The following TENM3 variants were observed in gnomAD, a reference collection of about 807,000 sequenced individuals.
TENM3 encodes teneurin transmembrane protein 3, also known as teneurin-3.
TENM3 carries 63 observed loss-of-function variants against 255.1 expected under a neutral mutation model. The observed-to-expected ratio is 0.25, with a 90% CI of 0.20 to 0.30. TENM3 has a LOEUF of 0.30. TENM3 is among the 10% of genes least tolerant of loss of function. The pLI is 1.00. For missense variants in TENM3, 2,929 were observed against 3,461.1 expected, an observed-to-expected ratio of 0.85 and a Z score of 3.86; for synonymous variants, 1,306 against 1,322.3, an observed-to-expected ratio of 0.99 and a Z score of 0.27.
intron 1 of TENM3, among the ~76,000 whole-genome samples, chr4:182,160,057 CAGCG>C (rs1561149946): frequency 6.7e-6 from 1 of 150,318 alleles, no homozygotes; most frequent in Non-Finnish European, 1.5e-5. Context: ...GGCTGGAGTG[CAGCG>C]GTGCGATCTC....
the TENM3 span, among the ~76,000 whole-genome samples, chr4:182,100,786 C>CAT: frequency 0.011 from 358 of 33,040 alleles, 21 homozygotes; most frequent in Non-Finnish European, 0.012. Context: ...TATATATACA[C>CAT]ATATATATAC....
chr4:181,735,619 T>C, the TENM3 span, among the ~76,000 whole-genome samples: 1 of 152,172 alleles, frequency 6.6e-6, no homozygotes, highest in Non-Finnish European at 1.5e-5. Context: ...GATGAAAGAC[T>C]GACAACCCAC....
At chr4:182,193,562 G>A (rs912744965) in intron 1 of TENM3, among the ~76,000 whole-genome samples, 5 of 152,174 alleles carry the variant, frequency 3.3e-5, no homozygotes, top group Non-Finnish European at 5.9e-5. Context: ...GCGTCCTGGC[G>A]TACATTCCAT....
chr4:182,536,109 T>A (rs948206379), intron 3 of TENM3, among the ~76,000 whole-genome samples: 4 of 152,220 alleles, frequency 2.6e-5, no homozygotes, highest in South Asian at 2.1e-4. Flanking sequence ...TACTTTAAAT[T>A]TGCACAGATT....
the TENM3 span, among the ~76,000 whole-genome samples, chr4:181,571,383 C>T: frequency 6.6e-6 from 1 of 152,116 alleles, no homozygotes; most frequent in Non-Finnish European, 1.5e-5. Context: ...GTTGCCCAGG[C>T]TGGAGTGTAG....
At chr4:182,143,494 T>TGTC (rs1749628370), upstream of TENM3, 1 of 166,948 alleles carries the variant, frequency 6.0e-6, no homozygotes, top group Non-Finnish European at 1.5e-5. This position sits in a 1 kb window ranked among gnomAD's most constrained non-coding sequence, Gnocchi z 4.3. Flanking sequence ...TTCCCGGCAG[T>TGTC]GTCTTGCACT....
chr4:181,842,677 C>G, the TENM3 span, among the ~76,000 whole-genome samples: 1 of 152,114 alleles, frequency 6.6e-6, no homozygotes, highest in Admixed American at 6.5e-5. Context: ...TATGGTAGAC[C>G]AAGTCCAGAC....
chr4:181,780,277 T>C, the TENM3 span, among the ~76,000 whole-genome samples: 1 of 152,178 alleles, frequency 6.6e-6, no homozygotes, highest in Non-Finnish European at 1.5e-5. Flanking sequence ...TTCCTATTTC[T>C]CCACATCCTC....
At chr4:181,783,758 G>A in the TENM3 span, among the ~76,000 whole-genome samples, 1 of 152,172 alleles carries the variant, frequency 6.6e-6, no homozygotes, top group African/African-American at 2.4e-5. Context: ...CAGTGGCACA[G>A]TCATAGCTCA....
At chr4:181,660,261 C>A in the TENM3 span, among the ~76,000 whole-genome samples, 1 of 152,076 alleles carries the variant, frequency 6.6e-6, no homozygotes, top group Non-Finnish European at 1.5e-5. Flanking sequence ...CAGTCAGTCC[C>A]TTTGCCCCCT....
chr4:182,555,567 G>A (rs943732041), intron 3 of TENM3, among the ~76,000 whole-genome samples: 2 of 152,156 alleles, frequency 1.3e-5, no homozygotes, highest in African/African-American at 4.8e-5. Context: ...CCTGGTTCAA[G>A]TAGGTGCTCA....
At chr4:181,721,470 G>T in the TENM3 span, among the ~76,000 whole-genome samples, 1 of 139,946 alleles carries the variant, frequency 7.1e-6, no homozygotes, top group African/African-American at 2.6e-5. Flanking sequence ...TGTGGTGGCG[G>T]GCGCCTGTAG....
At chr4:181,711,253 G>C in the TENM3 span, among the ~76,000 whole-genome samples, 1 of 152,266 alleles carries the variant, frequency 6.6e-6, no homozygotes, top group East Asian at 1.9e-4. Flanking sequence ...AGAATCTCTA[G>C]AAAAGGGGAA....
At chr4:181,970,973 G>T in the TENM3 span, among the ~76,000 whole-genome samples, 21 of 152,096 alleles carry the variant, frequency 1.4e-4, no homozygotes, top group East Asian at 3.7e-3. Flanking sequence ...TCAGAGAAGG[G>T]GTCTCACTCT....
chr4:181,893,491 A>ACCT, the TENM3 span, among the ~76,000 whole-genome samples: 1 of 24,908 alleles, frequency 4.0e-5, no homozygotes, highest in Non-Finnish European at 7.6e-5. Flanking sequence ...TCCCCTGCCC[A>ACCT]CCCCCCCCCC....
intron 4 of TENM3, among the ~76,000 whole-genome samples, chr4:182,621,808 TATTA>T (rs1438461976): frequency 0.3 from 4,289 of 14,420 alleles, 163 homozygotes; most frequent in East Asian, 0.52. Context: ...ATAATATATA[TATTA>T]TATATATATA....
intron 3 of TENM3, among the ~76,000 whole-genome samples, chr4:182,445,010 T>C (rs1158242358): frequency 6.6e-6 from 1 of 152,176 alleles, no homozygotes; most frequent in African/African-American, 2.4e-5. Context: ...GGTTTCACTA[T>C]GTTGGCCAGG....
chr4:181,514,278 GT>G, the TENM3 span, among the ~76,000 whole-genome samples: 1 of 151,916 alleles, frequency 6.6e-6, no homozygotes, highest in African/African-American at 2.4e-5. Context: ...ACAGTAAAAA[GT>G]TTTTAAAAAA....
rs1554045594 is a variant in TENM3 at position 182,299,016 on chromosome 4, A to AAAAAAAAAAAGAGGTAAT, written c.-75-24930_-75-24929insAAAAAAAAAAGAGGTAAT. On this transcript the variant is annotated intron_variant, in intron 1 of 27. Coordinates refer to ENST00000511685, the MANE Select transcript of TENM3 (RefSeq NM_001080477.4). ...AAAAAAAAAAAAAAAAAAAAAAAAA[A>AAAAAAAAAAAGAGGTAAT]GAGGTAATGGACTGGCCACTGCAGA... Among the ~76,000 whole-genome samples, 72 of 102,310 alleles carry AAAAAAAAAAAGAGGTAAT rather than the reference A, an allele frequency of 7.0e-4. 4 individuals are homozygous for AAAAAAAAAAAGAGGTAAT. Among genetic ancestry groups the AAAAAAAAAAAGAGGTAAT allele is most frequent in the African/African-American group, 2.6e-3 (56 of 21,786 alleles). The allele number at this position is 102,310 out of a possible 152,430, so 67.1% of individuals were successfully genotyped here.
Sources: gnomAD v4.1 joint callset for allele counts (sites outside exome capture counted in the v4.1 genomes callset) on GRCh38, gnomAD v4.1.1 for gene constraint, Gnocchi (gnomAD v3.1) non-coding constraint, MANE v1.5 for transcripts, NCBI Gene and HGNC (gene_info 2026-07-23, HGNC 2026-07-21) for gene names.